The following HIF1AN variants were observed in gnomAD, a reference collection of about 807,000 sequenced individuals.
HIF1AN encodes hypoxia-inducible factor 1-alpha inhibitor.
A neutral mutation model predicts 47.7 loss-of-function variants in HIF1AN; 21 were observed. The observed-to-expected ratio is 0.44, with a 90% confidence interval of 0.31 to 0.63. The LOEUF (loss-of-function observed/expected upper bound fraction) is 0.63, where lower values mean the gene tolerates loss of function less well. Ranked by LOEUF, HIF1AN falls within the 30% of genes least tolerant of loss-of-function variation. The pLI, the probability that HIF1AN is intolerant of heterozygous loss-of-function variation, is 0.07. For synonymous variants in HIF1AN, 152 were observed against 155.9 expected (o/e 0.98, Z 0.18); for missense variants, 320 against 432.7 (o/e 0.74, Z 2.31).
intron 2 of HIF1AN, among the ~76,000 whole-genome samples, chr10:100,538,089 A>G (rs1056493774): frequency 6.6e-6 from 1 of 152,274 alleles, no homozygotes; most frequent in Admixed American, 6.5e-5. Flanking sequence ...AAGAATAAGC[A>G]TAAGATATGT....
chr10:100,547,429 C>T (rs1267740259), intron 7 of HIF1AN, among the ~76,000 whole-genome samples, 179 bp downstream of exon 7: 1 of 152,198 alleles, frequency 6.6e-6, no homozygotes, highest in Non-Finnish European at 1.5e-5. Flanking sequence ...ACTGGCAGAT[C>T]AATTATAATT....
At position 100,548,671 on chromosome 10, in the gene HIF1AN, T is replaced by C. The variant is rs1377602265; in HGVS notation, c.*534T>C. 2 of 153,362 alleles carry C rather than the reference T, an allele frequency of 1.3e-5. No individual in the cohort carries two copies. The highest frequency in any genetic ancestry group is 2.9e-5 in the Non-Finnish European group (2 of 68,622). The allele number at this position is 153,362 out of a possible 1,614,324, so 9.5% of individuals were successfully genotyped here. ...TAGGTCAGTCTGCCTCCTGACAGTT[T>C]TTGCGTAGTCAAGCTCTAGGCGGTA... On this transcript the variant is annotated 3_prime_UTR_variant, in exon 8 of 8. Coordinates refer to ENST00000299163, the MANE Select transcript of HIF1AN (RefSeq NM_017902.3).
chr10:100,544,954 A>C lies in HIF1AN; in HGVS notation c.581A>C (p.Asn194Thr). The C allele has an allele frequency of 6.2e-7, 1 of 1,614,150 alleles. No individual in the cohort carries two copies. The highest frequency in any genetic ancestry group is 8.5e-7 in the Non-Finnish European group (1 of 1,179,986). ...SNLLLIGMEG[N>T]VTPAHYDEQQ... ...GAAAATGCCTTTCTTCTTACAGGAA[A>C]TGTGACACCTGCTCACTATGATGAG... Residue 194 changes from asparagine (N) to threonine (T), a missense_variant, in exon 4 of 8, where the codon AAT (asparagine) becomes ACT (threonine). Transcript: ENST00000299163.
Position 100,535,973 on chromosome 10 carries a change from G to A in HIF1AN, c.15G>A (p.Ala5=), listed in dbSNP as rs770680594. MAAT[A]AEAVASGSGE... ...TGGCGGCGGAGATGGCGGCGACAGC[G>A]GCGGAGGCTGTGGCCTCTGGCTCTG... The change falls in exon 1 of 8, where the codon GCG becomes GCA. Residue 5 remains alanine, a synonymous_variant. Coordinates refer to ENST00000299163, the MANE Select transcript of HIF1AN (RefSeq NM_017902.3). 7 of 1,552,384 alleles carry A rather than the reference G, an allele frequency of 4.5e-6. No individual in the cohort carries two copies. The African/African-American group carries it at 9.6e-5, about 21-fold the overall frequency.
chr10:100,550,888 T>TA lies in HIF1AN; in HGVS notation c.*2751_*2752insA, dbSNP rs1489817513. The TA allele has an allele frequency of 6.6e-6, 1 of 152,196 alleles. No homozygotes were observed. Among genetic ancestry groups the TA allele is most frequent in the Non-Finnish European group, 1.5e-5 (1 of 68,038 alleles). 9.4% of individuals were successfully genotyped at this position (152,196 alleles called of 1,614,324 possible). ...AAGGAAAAGATGAGGTTTTTCCCCTTCGATTACCTTTTGAGGGATGTTTAG... is the reference window on the plus strand; with the variant it reads ...AAGGAAAAGATGAGGTTTTTCCCCTTACGATTACCTTTTGAGGGATGTTTAG... On this transcript the variant is annotated 3_prime_UTR_variant, in exon 8 of 8. Coordinates refer to ENST00000299163, the MANE Select transcript of HIF1AN (RefSeq NM_017902.3).
In HIF1AN at chr10:100,551,927, C is replaced by G. The variant is rs1052826746; in HGVS notation, c.*3790C>G. The G allele has an allele frequency of 1.3e-5, 2 of 152,132 alleles. No homozygotes were observed. Among genetic ancestry groups the G allele is most frequent in the Non-Finnish European group, 2.9e-5 (2 of 68,060 alleles). 9.4% of individuals were successfully genotyped at this position (152,132 alleles called of 1,614,324 possible). A position where few individuals can be genotyped will look rare whatever the true frequency, so the allele number is the denominator to read the frequency against. On this transcript the variant is annotated 3_prime_UTR_variant, in exon 8 of 8. Coordinates refer to ENST00000299163, the MANE Select transcript of HIF1AN (RefSeq NM_017902.3). ...CTCTACCCAGGCTCCTTGTAAGCCT[C>G]TGGGCTCCCCCGAGAGGGCCTCGCT...
intron 3 of HIF1AN, among the ~76,000 whole-genome samples, chr10:100,542,865 T>G (rs866609606): frequency 6.9e-6 from 1 of 145,596 alleles, no homozygotes; most frequent in Non-Finnish European, 1.5e-5. Context: ...TTTTTTTTTT[T>G]TTTTCTTTTG....
Position 100,548,410 on chromosome 10 carries a change from G to A in HIF1AN, c.*273G>A. 1 of 426,724 alleles carries A rather than the reference G, an allele frequency of 2.3e-6. No individual in the cohort carries two copies. Among genetic ancestry groups the A allele is most frequent in the Non-Finnish European group, 4.2e-6 (1 of 239,602 alleles). The allele number at this position is 426,724 out of a possible 1,614,324, so 26.4% of individuals were successfully genotyped here. ...CCTGCATTCAGTGTGTGGAGTCCCA[G>A]CTTTTGGTTGTCATCATGTCTGTGT... On this transcript the variant is annotated 3_prime_UTR_variant, in exon 8 of 8. Transcript: ENST00000299163.
chr10:100,544,921 C>T (rs1355216548), intron 3 of HIF1AN, 30 bp from the exon 4 acceptor site: 2 of 1,610,634 alleles, frequency 1.2e-6, no homozygotes, highest in Admixed American at 3.3e-5. Flanking sequence ...AACCACTGCT[C>T]TGCATAAGAA....
chr10:100,539,276 T>A (rs1405754122), intron 2 of HIF1AN, among the ~76,000 whole-genome samples: 1 of 152,146 alleles, frequency 6.6e-6, no homozygotes, highest in Non-Finnish European at 1.5e-5. Context: ...AGGACAGAGA[T>A]GCTTCTGTCT....
intron 2 of HIF1AN, among the ~76,000 whole-genome samples, chr10:100,537,806 A>G (rs1376057864): frequency 6.6e-6 from 1 of 152,214 alleles, no homozygotes; most frequent in Non-Finnish European, 1.5e-5. Flanking sequence ...GGCTAAGTGA[A>G]TGGATTTGAA....
At position 100,542,880 on chromosome 10, in the gene HIF1AN, A is replaced by G. The variant is rs1225818664; in HGVS notation, c.578-2071A>G. On this transcript the variant is annotated intron_variant, in intron 3 of 7. Transcript: ENST00000299163. Reference sequence around the variant, plus strand: ...TTTTTTTTTTTTTTTCTTTTGAATGAAAGGAGAGGCCCTTAAACTCCACTC... The same window carrying G: ...TTTTTTTTTTTTTTTCTTTTGAATGGAAGGAGAGGCCCTTAAACTCCACTC... 5.0e-4 allele frequency among the ~76,000 whole-genome samples: 61 copies of G among 121,400 alleles called. 1 individual carries two copies. The highest frequency in any genetic ancestry group is 1.7e-3 in the African/African-American group (56 of 32,608). The allele number at this position is 121,400 out of a possible 152,430, so 79.6% of individuals were successfully genotyped here.
rs757065092 is a variant in HIF1AN, at chr10:100,536,060, T to C, written c.102T>C (p.Ser34=). 3.7e-6 allele frequency: 6 copies of C among 1,612,160 alleles called. No homozygotes were observed. The African/African-American group carries it at 8.0e-5, about 22-fold the overall frequency. Residue 34 remains serine, a synonymous_variant, in exon 1 of 8, where the codon AGT becomes AGC. Transcript: ENST00000299163. ...CCTGGGATGAATCCCAGTTGCGCAG[T>C]TATAGCTTCCCGACTAGGCCCATTC... The part of the protein sequence containing the change: ...GPAWDESQLR[S]YSFPTRPIPR...
intron 4 of HIF1AN, 38 bp downstream of exon 4, chr10:100,545,134 G>T: frequency 6.3e-7 from 1 of 1,594,840 alleles, no homozygotes. Flanking sequence ...TAGAACTCTA[G>T]ATTCTAGTAA....
At chr10:100,536,364 C>T in intron 1 of HIF1AN, 47 bp from the exon 2 acceptor site, 1 of 1,602,440 alleles carries the variant, frequency 6.2e-7, no homozygotes, top group Non-Finnish European at 8.5e-7. Context: ...CCACCGGCTC[C>T]TTGGCATTAC....
In HIF1AN at chr10:100,548,696, A is replaced by G. The variant is rs1466292868; in HGVS notation, c.*559A>G. Reference sequence around the variant, plus strand: ...TTTGCGTAGTCAAGCTCTAGGCGGTATGGGAATGGCTACCGGGACTCTAAT... The same window carrying G: ...TTTGCGTAGTCAAGCTCTAGGCGGTGTGGGAATGGCTACCGGGACTCTAAT... On this transcript the variant is annotated 3_prime_UTR_variant, in exon 8 of 8. Coordinates refer to ENST00000299163, the MANE Select transcript of HIF1AN (RefSeq NM_017902.3). 1 of 153,028 alleles carries G rather than the reference A, an allele frequency of 6.5e-6. No homozygotes were observed. The highest frequency in any genetic ancestry group is 1.5e-5 in the Non-Finnish European group (1 of 68,394). 9.5% of individuals were successfully genotyped at this position (153,028 alleles called of 1,614,324 possible).
intron 2 of HIF1AN, among the ~76,000 whole-genome samples, chr10:100,538,905 CTT>C (rs371921651): frequency 2.0e-4 from 23 of 112,724 alleles, no homozygotes; most frequent in East Asian, 2.6e-4. Context: ...TTGAACCTTT[CTT>C]TTTTTTTTTT....
Position 100,559,908 on chromosome 10 carries a change from C to T in HIF1AN, c.*11771C>T, listed in dbSNP as rs1589757873. On this transcript the variant is annotated 3_prime_UTR_variant, in exon 8 of 8. Transcript: ENST00000299163. ...AAAAGATGGCCACCGCTAGTCCAGTCGGCCACAGACATGGTTTTGTTTGGC... is the reference window on the plus strand; with the variant it reads ...AAAAGATGGCCACCGCTAGTCCAGTTGGCCACAGACATGGTTTTGTTTGGC... 6.6e-6 allele frequency: 1 copy of T among 152,192 alleles called. No individual in the cohort carries two copies. The highest frequency in any genetic ancestry group is 2.1e-4 in the South Asian group (1 of 4,826). 9.4% of individuals were successfully genotyped at this position (152,192 alleles called of 1,614,324 possible).
chr10:100,557,805 T>TGA lies in HIF1AN; in HGVS notation c.*9668_*9669insGA, dbSNP rs879590945. 35,117 of 152,018 alleles carry TGA rather than the reference T, an allele frequency of 0.23. 4,401 individuals carry two copies. The highest frequency in any genetic ancestry group is 0.33 in the African/African-American group (13,804 of 41,398). The allele number at this position is 152,018 out of a possible 1,614,324, so 9.4% of individuals were successfully genotyped here. On this transcript the variant is annotated 3_prime_UTR_variant, in exon 8 of 8. Transcript: ENST00000299163. ...AGAATGAATGAGACAACTCATTAACTAACTAAGTTAATTCAGAACTTAGTG... is the reference window on the plus strand; with the variant it reads ...AGAATGAATGAGACAACTCATTAACTGAAACTAAGTTAATTCAGAACTTAGTG...
Sources: gnomAD v4.1 joint callset for allele counts (sites outside exome capture counted in the v4.1 genomes callset) on GRCh38, gnomAD v4.1.1 for gene constraint, MANE v1.5 for transcripts, NCBI Gene and HGNC (gene_info 2026-07-23, HGNC 2026-07-21) for gene names.